The following KCNB2 variants were observed in gnomAD, a reference collection of about 807,000 sequenced individuals.
KCNB2 encodes the protein delayed rectifier potassium channel protein.
In KCNB2, 15 loss-of-function variants were observed where a neutral mutation model predicts 61.5. That is an observed-to-expected ratio of 0.24 (90% confidence interval 0.16 to 0.38). The LOEUF is 0.38. Ranked by LOEUF, KCNB2 falls within the 10% of genes least tolerant of loss-of-function variation. The pLI, the probability that KCNB2 is intolerant of heterozygous loss-of-function variation, is 1.00. For missense variants in KCNB2, 828 were observed against 1,125.2 expected (o/e 0.74, Z 3.78); for synonymous variants, 457 against 446.0 (o/e 1.02, Z -0.31).
chr8:72,912,171 T>TTTATG (rs1209486267), intron 2 of KCNB2, among the ~76,000 whole-genome samples: 5 of 152,298 alleles, frequency 3.3e-5, no homozygotes, highest in African/African-American at 1.2e-4. Context: ...TCCTTCCCAA[T>TTTATG]TTATGTCACT....
intron 2 of KCNB2, among the ~76,000 whole-genome samples, chr8:72,826,407 G>C (rs1198985865): frequency 1.3e-5 from 2 of 152,122 alleles, no homozygotes; most frequent in African/African-American, 4.8e-5. Context: ...TTATGCCTAT[G>C]AACAATAAGG....
chr8:72,720,278 T>C (rs1031175700), intron 2 of KCNB2, among the ~76,000 whole-genome samples: 3 of 152,188 alleles, frequency 2.0e-5, no homozygotes, highest in African/African-American at 7.2e-5. Flanking sequence ...AAGCAAGAGA[T>C]AATGGTCATG....
chr8:72,844,972 G>T (rs1809960554), intron 2 of KCNB2, among the ~76,000 whole-genome samples: 1 of 152,180 alleles, frequency 6.6e-6, no homozygotes, highest in Non-Finnish European at 1.5e-5. Context: ...ATCCAGTTTT[G>T]TTCCGTTGCT....
intron 2 of KCNB2, among the ~76,000 whole-genome samples, chr8:72,729,908 A>G (rs1299879245): frequency 2.0e-4 from 31 of 152,048 alleles, no homozygotes. Flanking sequence ...GATTACACAC[A>G]TATATATATA....
chr8:72,728,452 A>G (rs182404546), intron 2 of KCNB2, among the ~76,000 whole-genome samples: 159 of 152,306 alleles, frequency 1.0e-3, no homozygotes, highest in Non-Finnish European at 9.0e-4. Context: ...ATGAATAATC[A>G]TTCAGGACTA....
At chr8:72,716,899 T>C (rs1332448972) in intron 2 of KCNB2, among the ~76,000 whole-genome samples, 1 of 152,164 alleles carries the variant, frequency 6.6e-6, no homozygotes, top group Non-Finnish European at 1.5e-5. Flanking sequence ...GACATGATTG[T>C]ATATCTAGAA....
intron 2 of KCNB2, among the ~76,000 whole-genome samples, chr8:72,892,102 A>C (rs1372551808): frequency 6.6e-6 from 1 of 152,192 alleles, no homozygotes. Context: ...TAATGCGCAC[A>C]CAAAACAGCA....
intron 1 of KCNB2, among the ~76,000 whole-genome samples, chr8:72,546,335 G>A (rs574781280): frequency 2.6e-5 from 4 of 152,072 alleles, no homozygotes; most frequent in Non-Finnish European, 4.4e-5. Flanking sequence ...CCAACTTGAT[G>A]AAACCCCGTG....
intron 2 of KCNB2, among the ~76,000 whole-genome samples, chr8:72,667,409 G>C (rs1411025541): frequency 1.3e-5 from 2 of 152,148 alleles, no homozygotes; most frequent in Non-Finnish European, 2.9e-5. Context: ...TCTCAGCTTA[G>C]ATGTTTCACA....
intron 2 of KCNB2, among the ~76,000 whole-genome samples, chr8:72,772,738 G>T (rs1184052779): frequency 6.6e-6 from 1 of 152,164 alleles, no homozygotes; most frequent in Non-Finnish European, 1.5e-5. Flanking sequence ...GATTTACAAG[G>T]TGATGGTTAC....
intron 2 of KCNB2, among the ~76,000 whole-genome samples, chr8:72,884,703 C>G (rs1268665647): frequency 1.3e-5 from 2 of 151,974 alleles, no homozygotes; most frequent in African/African-American, 4.8e-5. Context: ...GCAATAACAC[C>G]TCTATCCTAT....
At chr8:72,916,090 T>C (rs1443232214) in intron 2 of KCNB2, among the ~76,000 whole-genome samples, 4 of 152,150 alleles carry the variant, frequency 2.6e-5, no homozygotes, top group African/African-American at 9.7e-5. Flanking sequence ...CAGGAGACCA[T>C]TTCTAAGCCA....
intron 2 of KCNB2, among the ~76,000 whole-genome samples, chr8:72,852,548 A>T (rs1810135068): frequency 6.6e-6 from 1 of 152,188 alleles, no homozygotes; most frequent in African/African-American, 2.4e-5. Flanking sequence ...TATATTATTA[A>T]ATATTTATGT....
intron 2 of KCNB2, among the ~76,000 whole-genome samples, chr8:72,776,852 A>G (rs1808662387): frequency 6.6e-6 from 1 of 152,174 alleles, no homozygotes; most frequent in Non-Finnish European, 1.5e-5. Flanking sequence ...GAATCAGCTG[A>G]GCAACGTTGG....
chr8:72,673,413 G>A (rs1489004821), intron 2 of KCNB2, among the ~76,000 whole-genome samples: 1 of 152,056 alleles, frequency 6.6e-6, no homozygotes, highest in Non-Finnish European at 1.5e-5. Flanking sequence ...TCTCCTTCCT[G>A]CCACCATGTG....
chr8:72,796,058 A>G (rs964309146), intron 2 of KCNB2, among the ~76,000 whole-genome samples: 2 of 152,250 alleles, frequency 1.3e-5, no homozygotes, highest in Admixed American at 1.3e-4. Context: ...CTCCTTTCTT[A>G]CATAATAAAT....
chr8:72,859,893 A>G (rs1810271840), intron 2 of KCNB2, among the ~76,000 whole-genome samples: 1 of 150,774 alleles, frequency 6.6e-6, no homozygotes, highest in Non-Finnish European at 1.5e-5. Context: ...CTAATTTTGT[A>G]TTTTTAGTAG....
intron 2 of KCNB2, among the ~76,000 whole-genome samples, chr8:72,824,508 CT>C (rs1809565405): frequency 1.3e-5 from 2 of 152,110 alleles, no homozygotes; most frequent in Non-Finnish European, 2.9e-5. Context: ...ACCCTCTTAC[CT>C]CTAAAACAAG....
intron 2 of KCNB2, among the ~76,000 whole-genome samples, chr8:72,709,460 G>A (rs116443708): frequency 5.9e-5 from 9 of 151,712 alleles, no homozygotes; most frequent in African/African-American, 1.9e-4. Flanking sequence ...CAGGAAGCAC[G>A]GTGCCGGCAT....
Sources: gnomAD v4.1 joint callset for allele counts (sites outside exome capture counted in the v4.1 genomes callset) on GRCh38, gnomAD v4.1.1 for gene constraint, MANE v1.5 for transcripts, NCBI Gene and HGNC (gene_info 2026-07-23, HGNC 2026-07-21) for gene names.